TEK: variants seen among roughly 807,000 people sequenced by gnomAD.
TEK encodes the protein angiopoietin-1 receptor.
In TEK, 43 loss-of-function variants were observed where a neutral mutation model predicts 131.8. That is an observed-to-expected ratio of 0.33 (90% confidence interval 0.26 to 0.42). The LOEUF is 0.42. TEK is among the 10% of genes least tolerant of loss of function. The pLI is 1.00. For synonymous variants in TEK, 580 were observed against 491.6 expected, an observed-to-expected ratio of 1.18 and a Z score of -2.38; for missense variants, 1,162 against 1,384.4, an observed-to-expected ratio of 0.84 and a Z score of 2.55.
intron 1 of TEK, among the ~76,000 whole-genome samples, chr9:27,112,043 G>T (rs933729943): frequency 4.6e-5 from 7 of 152,060 alleles, no homozygotes; most frequent in Non-Finnish European, 7.4e-5. Context: ...GACTACAGGC[G>T]TGCGCCACCA....
intron 1 of TEK, among the ~76,000 whole-genome samples, chr9:27,152,985 TAAGA>T (rs1823187452): frequency 1.3e-5 from 2 of 152,184 alleles, no homozygotes; most frequent in Non-Finnish European, 1.5e-5. Context: ...AAGACGCTAC[TAAGA>T]AAGATTAGAT....
intron 1 of TEK, among the ~76,000 whole-genome samples, chr9:27,115,503 A>AAAC: frequency 6.9e-6 from 1 of 144,590 alleles, no homozygotes; most frequent in East Asian, 1.9e-4. Flanking sequence ...TGTCTCAAAA[A>AAAC]AAACAACAAA....
chr9:27,188,118 T>C (rs1348916818), intron 9 of TEK, among the ~76,000 whole-genome samples: 1 of 152,180 alleles, frequency 6.6e-6, no homozygotes, highest in African/African-American at 2.4e-5. Flanking sequence ...ACATGCTTTA[T>C]GATTCCATTT....
chr9:27,179,500 G>T (rs1283307033), intron 6 of TEK, among the ~76,000 whole-genome samples: 1 of 151,936 alleles, frequency 6.6e-6, no homozygotes, highest in Non-Finnish European at 1.5e-5. Context: ...TTCTTCTTTG[G>T]ATTGTATCTT....
chr9:27,125,702 A>G (rs1821960409), intron 1 of TEK, among the ~76,000 whole-genome samples: 1 of 152,240 alleles, frequency 6.6e-6, no homozygotes, highest in Non-Finnish European at 1.5e-5. Flanking sequence ...AAGCATGTCA[A>G]ATGCTTAGCA....
chr9:27,138,024 T>C (rs915497635), intron 1 of TEK, among the ~76,000 whole-genome samples: 1 of 152,098 alleles, frequency 6.6e-6, no homozygotes, highest in Non-Finnish European at 1.5e-5. Context: ...ACCTTCCCAG[T>C]GAGTGTTACA....
chr9:27,157,807 A>G (rs1312211669), intron 1 of TEK, 24 bp from the exon 2 acceptor site: 1 of 1,613,662 alleles, frequency 6.2e-7, no homozygotes, highest in Admixed American at 1.7e-5. Context: ...TTAGTCATAC[A>G]TTATTGTCTC....
intron 18 of TEK, among the ~76,000 whole-genome samples, chr9:27,217,076 C>A (rs866923930): frequency 6.6e-6 from 1 of 152,176 alleles, no homozygotes; most frequent in Non-Finnish European, 1.5e-5. Flanking sequence ...CAGTCAGGAC[C>A]AGGCATCGAA....
At chr9:27,151,104 T>G in intron 1 of TEK, among the ~76,000 whole-genome samples, 1 of 152,212 alleles carries the variant, frequency 6.6e-6, no homozygotes, top group East Asian at 1.9e-4. Flanking sequence ...CTTCCTTTAG[T>G]TATTTCCAGT....
chr9:27,179,912 T>A (rs1408921955), intron 6 of TEK, among the ~76,000 whole-genome samples: 1 of 152,156 alleles, frequency 6.6e-6, no homozygotes, highest in Non-Finnish European at 1.5e-5. Context: ...GGGAAACACA[T>A]CATTCCCATC....
intron 20 of TEK, among the ~76,000 whole-genome samples, chr9:27,219,746 T>TAAAACTA (rs1825983075): frequency 2.6e-5 from 3 of 114,570 alleles, no homozygotes; most frequent in Admixed American, 1.6e-4. Flanking sequence ...GTTAATCTTA[T>TAAAACTA]TGGTATAATA....
intron 1 of TEK, among the ~76,000 whole-genome samples, chr9:27,153,912 G>C (rs140189922): frequency 6.6e-6 from 1 of 152,272 alleles, no homozygotes; most frequent in Non-Finnish European, 1.5e-5. Flanking sequence ...TTTCTGAAAG[G>C]CTGTTTGGCT....
chr9:27,134,701 A>G (rs1457452157), intron 1 of TEK, among the ~76,000 whole-genome samples: 2 of 151,118 alleles, frequency 1.3e-5, no homozygotes, highest in African/African-American at 4.9e-5. Context: ...CCATCCTTAG[A>G]AGGAGTCAGA....
At chr9:27,134,263 G>A (rs1174111055) in intron 1 of TEK, among the ~76,000 whole-genome samples, 1 of 152,132 alleles carries the variant, frequency 6.6e-6, no homozygotes, top group Non-Finnish European at 1.5e-5. Flanking sequence ...GTATGTACTT[G>A]GATTAGAGAG....
intron 10 of TEK, 90 bp from the exon 11 acceptor site, chr9:27,192,399 A>G (rs1824853346): frequency 2.0e-6 from 3 of 1,519,160 alleles, no homozygotes; most frequent in East Asian, 2.3e-5. Context: ...TGAAAACCTA[A>G]AATTAGTTCA....
chr9:27,148,416 A>T (rs1195687661), intron 1 of TEK, among the ~76,000 whole-genome samples: 1 of 152,236 alleles, frequency 6.6e-6, no homozygotes, highest in African/African-American at 2.4e-5. Context: ...AACATTTATT[A>T]TGACTTATGC....
At chr9:27,140,878 C>G (rs553980529) in intron 1 of TEK, among the ~76,000 whole-genome samples, 1 of 152,232 alleles carries the variant, frequency 6.6e-6, no homozygotes, top group African/African-American at 2.4e-5. Context: ...ATATGAGAGA[C>G]TATGTTCTAC....
In TEK at chr9:27,218,825, T is replaced by C; in HGVS notation, c.3103+8T>C. ...GGGAGATTGTTAGCTTAGGTGAGTA[T>C]CTATGTTTATCTACCAGGTGAGACT... is the stretch of plus-strand genomic sequence containing the variant. On this transcript the variant is annotated splice_region_variant and intron_variant, in intron 20 of 22. Coordinates refer to ENST00000380036, the MANE Select transcript of TEK (RefSeq NM_000459.5). 2 of 1,613,672 alleles carry C rather than the reference T, an allele frequency of 1.2e-6. No individual in the cohort carries two copies. Among genetic ancestry groups the C allele is most frequent in the South Asian group, 1.1e-5 (1 of 91,064 alleles).
chr9:27,132,510 T>C (rs1822263906), intron 1 of TEK, among the ~76,000 whole-genome samples: 1 of 152,292 alleles, frequency 6.6e-6, no homozygotes, highest in South Asian at 2.1e-4. Flanking sequence ...CCAGAGACAG[T>C]GTCTTTCCTG....
Sources: allele counts gnomAD v4.1 joint callset (sites outside exome capture counted in the v4.1 genomes callset), GRCh38; gene constraint gnomAD v4.1.1; transcripts MANE v1.5; gene names NCBI Gene and HGNC (gene_info 2026-07-23, HGNC 2026-07-21).